Variants in NAP1L4 observed in about 807,000 individuals in gnomAD.
NAP1L4 encodes nucleosome assembly protein 1-like 4.
NAP1L4 carries 15 observed loss-of-function variants against 58.2 expected under a neutral mutation model. That is an observed-to-expected ratio of 0.26 (90% CI 0.17 to 0.40). The LOEUF (loss-of-function observed/expected upper bound fraction) is 0.40. Ranked by LOEUF, NAP1L4 falls within the 10% of genes least tolerant of loss-of-function variation. The pLI is 1.00. For synonymous variants in NAP1L4, 171 were observed against 155.6 expected (o/e 1.10, Z -0.74); for missense variants, 384 against 451.1 (o/e 0.85, Z 1.35).
At chr11:2,976,327 C>G (rs1383774791) in intron 3 of NAP1L4, among the ~76,000 whole-genome samples, 2 of 152,090 alleles carry the variant, frequency 1.3e-5, no homozygotes, top group African/African-American at 4.8e-5. Context: ...GGTTAATCAC[C>G]TGATGGGTAG....
At chr11:2,963,860 C>CTA (rs1442734694) in intron 8 of NAP1L4, 1 of 519,156 alleles carries the variant, frequency 1.9e-6, no homozygotes, top group Non-Finnish European at 3.8e-6. Flanking sequence ...AACCCATTAG[C>CTA]TACAGCCAGG....
chr11:2,945,580 C>CG lies in NAP1L4; in HGVS notation c.*98dup. 1 of 1,535,182 alleles carries CG rather than the reference C, an allele frequency of 6.5e-7. No individual in the cohort carries two copies. Among genetic ancestry groups the CG allele is most frequent in the Non-Finnish European group, 8.7e-7 (1 of 1,146,176 alleles). On this transcript the variant is annotated 3_prime_UTR_variant, in exon 16 of 16. Coordinates refer to ENST00000380542, the MANE Select transcript of NAP1L4 (RefSeq NM_005969.4). Reference sequence around the variant, plus strand: ...CCCACAGGCCTGGAGTCCCGACAGCCGGTCTGCCAGGCACCCGCCTCCGCT... The same window carrying CG: ...CCCACAGGCCTGGAGTCCCGACAGCCGGGTCTGCCAGGCACCCGCCTCCGCT...
At chr11:2,962,307 A>C (rs1283963447) in intron 8 of NAP1L4, among the ~76,000 whole-genome samples, 1 of 152,250 alleles carries the variant, frequency 6.6e-6, no homozygotes, top group African/African-American at 2.4e-5. Context: ...CAATGGCTGC[A>C]GTAACAACTA....
chr11:2,969,440 T>C (rs772948007), intron 7 of NAP1L4, among the ~76,000 whole-genome samples: 3 of 152,134 alleles, frequency 2.0e-5, no homozygotes, highest in African/African-American at 4.8e-5. Flanking sequence ...GCCCTCACCC[T>C]TTCCTGCACA....
chr11:2,974,308 C>G (rs899995127), intron 4 of NAP1L4, among the ~76,000 whole-genome samples: 1 of 152,152 alleles, frequency 6.6e-6, no homozygotes, highest in Non-Finnish European at 1.5e-5. Context: ...ATCATTCACA[C>G]CAACTACACC....
At chr11:2,966,982 G>C (rs1169051858) in intron 7 of NAP1L4, among the ~76,000 whole-genome samples, 1 of 152,202 alleles carries the variant, frequency 6.6e-6, no homozygotes, top group Non-Finnish European at 1.5e-5. Context: ...CACAACACTG[G>C]AGGCATCGCA....
At position 2,950,662 on chromosome 11, in the gene NAP1L4, T is replaced by TA. The variant is rs139419306; in HGVS notation, c.1122+596dup. Among the ~76,000 whole-genome samples, 108 of 152,370 alleles carry TA rather than the reference T, an allele frequency of 7.1e-4. 3 individuals carry two copies. The East Asian group carries it at 0.019, about 27-fold the overall frequency. Reference sequence around the variant, plus strand: ...GCCAAATGGTCAAAGTACCTTGATTTAAGTTACTCTGAGACCACAAATAAA... The same window carrying TA: ...GCCAAATGGTCAAAGTACCTTGATTTAAAGTTACTCTGAGACCACAAATAAA... On this transcript the variant is annotated intron_variant, in intron 14 of 15. Coordinates refer to ENST00000380542, the MANE Select transcript of NAP1L4 (RefSeq NM_005969.4).
rs1027041047 is a variant in NAP1L4, at chr11:2,971,292, G to A, written c.402+156C>T. 6.6e-6 allele frequency among the ~76,000 whole-genome samples: 1 copy of A among 152,188 alleles called. No individual in the cohort carries two copies. The highest frequency in any genetic ancestry group is 1.5e-5 in the Non-Finnish European group (1 of 68,032). On this transcript the variant is annotated intron_variant, in intron 6 of 15. Coordinates refer to ENST00000380542, the MANE Select transcript of NAP1L4 (RefSeq NM_005969.4). The surrounding 1 kb of genome is among the most constrained non-coding windows in gnomAD (Gnocchi z 4.2). ...ACTGACAGTACTGTGTCAGATGCTA[G>A]ATCCATATCAGAAAGGAATCTAAAC...
chr11:2,976,881 T>C (rs909716839), intron 3 of NAP1L4, among the ~76,000 whole-genome samples: 6 of 152,078 alleles, frequency 3.9e-5, no homozygotes, highest in South Asian at 2.1e-4. Flanking sequence ...CTCTTAACAA[T>C]CTCCCTCTTA....
chr11:2,989,931 C>G (rs1177183940), intron 1 of NAP1L4: 1 of 152,134 alleles, frequency 6.6e-6, no homozygotes, highest in African/African-American at 2.4e-5. Flanking sequence ...AACACAATGC[C>G]CTGTACATTT....
chr11:2,951,295 C>T lies in NAP1L4; in HGVS notation c.1086G>A (p.Glu362=). 6.2e-7 allele frequency: 1 copy of T among 1,614,066 alleles called. No individual in the cohort carries two copies. Among genetic ancestry groups the T allele is most frequent in the Non-Finnish European group, 8.5e-7 (1 of 1,179,976 alleles). The change falls in exon 14 of 16, where the codon GAG becomes GAA. Residue 362 remains glutamate, a synonymous_variant. Coordinates refer to ENST00000380542, the MANE Select transcript of NAP1L4 (RefSeq NM_005969.4). This position sits in a 1 kb window ranked among gnomAD's most constrained non-coding sequence, Gnocchi z 4.0. ...GEEEELEGDE[E]GEDEDDAEIN... Reference sequence around the variant, plus strand: ...TTTCCGCATCATCCTCGTCTTCTCCCTCCTCGTCACCTTCTAATTCCTGTA... The same window carrying T: ...TTTCCGCATCATCCTCGTCTTCTCCTTCCTCGTCACCTTCTAATTCCTGTA...
chr11:2,974,742 AAAAAC>A lies in NAP1L4; in HGVS notation c.173+1277_173+1281del, dbSNP rs549393074. 4.6e-5 allele frequency among the ~76,000 whole-genome samples: 7 copies of A among 152,222 alleles called. 1 individual carries two copies. Among genetic ancestry groups the A allele is most frequent in the South Asian group, 4.1e-4 (2 of 4,832 alleles). ...AAATCCCTGTCTCTACTAAAAATAC[AAAAAC>A]AAAACAAAACAAAACAAACAAAAAA... On this transcript the variant is annotated intron_variant, in intron 4 of 15. Transcript: ENST00000380542.
In NAP1L4 at chr11:2,955,053, G is replaced by C. The variant is rs1260522110; in HGVS notation, c.916-407C>G. Among the ~76,000 whole-genome samples, 1 of 151,998 alleles carries C rather than the reference G, an allele frequency of 6.6e-6. No homozygotes were observed. The highest frequency in any genetic ancestry group is 1.5e-5 in the Non-Finnish European group (1 of 68,000). On this transcript the variant is annotated intron_variant, in intron 11 of 15. Transcript: ENST00000380542. This position sits in a 1 kb window ranked among gnomAD's most constrained non-coding sequence, Gnocchi z 4.2. ...ATTAATCCCAGAGTTTTAGGAAACAGAAATGGATTTTTTTTTTTTAAGAGA... is the reference window on the plus strand; with the variant it reads ...ATTAATCCCAGAGTTTTAGGAAACACAAATGGATTTTTTTTTTTTAAGAGA...
chr11:2,991,988 G>T (rs537735460), intron 1 of NAP1L4: 5 of 152,026 alleles, frequency 3.3e-5, no homozygotes, highest in African/African-American at 9.7e-5. Flanking sequence ...CAGTGAGGCG[G>T]GCAGCCGGGC....
chr11:2,958,672 A>AAT, intron 9 of NAP1L4, 128 bp from the exon 10 acceptor site: 1 of 892,414 alleles, frequency 1.1e-6, no homozygotes, highest in Non-Finnish European at 1.7e-6. Context: ...CTGCAAACCA[A>AAT]ATACAATGGC....
At position 2,959,763 on chromosome 11, in the gene NAP1L4, T is replaced by C. The variant is rs766579812; in HGVS notation, c.746+7A>G. 5 of 1,610,036 alleles carry C rather than the reference T, an allele frequency of 3.1e-6. No individual in the cohort carries two copies. The African/African-American group carries it at 6.7e-5, about 22-fold the overall frequency. ...CAGAAAAACAAGGTAGAATGACATT[T>C]TCTTACCCGTCACAGTCCACAATCT... On this transcript the variant is annotated splice_region_variant and intron_variant, in intron 9 of 15. Transcript: ENST00000380542. The surrounding 1 kb of genome is among the most constrained non-coding windows in gnomAD (Gnocchi z 4.9).
rs1341949729 is a variant in NAP1L4, at chr11:2,954,381, C to T, written c.1035+146G>A. On this transcript the variant is annotated intron_variant, in intron 12 of 15. Coordinates refer to ENST00000380542, the MANE Select transcript of NAP1L4 (RefSeq NM_005969.4). This position sits in a 1 kb window ranked among gnomAD's most constrained non-coding sequence, Gnocchi z 4.8. Reference sequence around the variant, plus strand: ...CTCTTCAAGCGTATTCCCCCCACAACAAGGACAGCAGCTTGGACTACATAT... The same window carrying T: ...CTCTTCAAGCGTATTCCCCCCACAATAAGGACAGCAGCTTGGACTACATAT... 1 of 1,183,812 alleles carries T rather than the reference C, an allele frequency of 8.4e-7. No homozygotes were observed. The highest frequency in any genetic ancestry group is 1.5e-5 in the African/African-American group (1 of 65,868). 73.3% of individuals were successfully genotyped at this position (1,183,812 alleles called of 1,614,324 possible).
intron 10 of NAP1L4, among the ~76,000 whole-genome samples, chr11:2,956,173 G>A (rs1392333743): frequency 1.3e-5 from 2 of 152,238 alleles, no homozygotes; most frequent in Non-Finnish European, 2.9e-5. Flanking sequence ...GAAAGAGAAA[G>A]TCCTTAAGCC....
At chr11:2,978,255 T>A (rs1848083077) in intron 3 of NAP1L4, 29 bp downstream of exon 3, 1 of 1,608,890 alleles carries the variant, frequency 6.2e-7, no homozygotes, top group African/African-American at 1.3e-5. Flanking sequence ...CCATACTGGA[T>A]GCAAACTCTC....
Sources: gnomAD v4.1 joint callset for allele counts (sites outside exome capture counted in the v4.1 genomes callset) on GRCh38, gnomAD v4.1.1 for gene constraint, Gnocchi (gnomAD v3.1) non-coding constraint, MANE v1.5 for transcripts, NCBI Gene and HGNC (gene_info 2026-07-23, HGNC 2026-07-21) for gene names.